UTRN: variants seen among roughly 807,000 people sequenced by gnomAD.
UTRN encodes the protein dystrophin-related protein 1.
Under a neutral mutation model 463.9 loss-of-function variants are expected in UTRN, and 283 were observed. The observed-to-expected ratio is 0.61, with a 90% confidence interval of 0.55 to 0.67. The LOEUF is 0.67. Among genes scored for constraint, UTRN ranks in the 30% least tolerant of loss-of-function variants. UTRN has a pLI of 0.00. For synonymous variants in UTRN, 1,442 were observed against 1,431.5 expected (o/e 1.01, Z -0.17); for missense variants, 3,922 against 4,084.3 (o/e 0.96, Z 1.08).
chr6:144,414,130 A>T (rs563067537), intron 3 of UTRN, among the ~76,000 whole-genome samples: 109 of 124,960 alleles, frequency 8.7e-4, no homozygotes, highest in Non-Finnish European at 1.5e-3. Flanking sequence ...CCTACTCATT[A>T]AAAAAAAAAA....
intron 54 of UTRN, among the ~76,000 whole-genome samples, chr6:144,743,384 T>C (rs28744625): frequency 2.2e-3 from 338 of 152,368 alleles, no homozygotes; most frequent in African/African-American, 7.8e-3. Context: ...CATAGTTTCA[T>C]TTTTAAAATT....
intron 48 of UTRN, 86 bp downstream of exon 48, chr6:144,551,168 CAA>C (rs200221406): frequency 2.5e-4 from 175 of 713,870 alleles, no homozygotes; most frequent in Middle Eastern, 4.1e-4. Flanking sequence ...CACACACACA[CAA>C]ACACATTTTC....
chr6:144,384,047 C>T, intron 2 of UTRN, among the ~76,000 whole-genome samples: 1 of 151,962 alleles, frequency 6.6e-6, no homozygotes, highest in East Asian at 1.9e-4. Flanking sequence ...GGTTTTTTTC[C>T]TCTATGTTTT....
In UTRN at chr6:144,842,825, C is replaced by G. The variant is rs189081519; in HGVS notation, c.10270+1993C>G. ...ACCCACCTCCCCACCTCCCCACCCCCCAAAGCACATGCATGCATGTGCACA... is the reference window on the plus strand; with the variant it reads ...ACCCACCTCCCCACCTCCCCACCCCGCAAAGCACATGCATGCATGTGCACA... On this transcript the variant is annotated intron_variant, in intron 73 of 74. Transcript: ENST00000367545. 1.0e-3 allele frequency among the ~76,000 whole-genome samples: 159 copies of G among 152,094 alleles called. No individual in the cohort carries two copies. The East Asian group carries it at 0.025, about 24-fold the overall frequency.
At chr6:144,684,612 C>A (rs1481368011) in intron 52 of UTRN, among the ~76,000 whole-genome samples, 1 of 152,176 alleles carries the variant, frequency 6.6e-6, no homozygotes, top group African/African-American at 2.4e-5. Flanking sequence ...TTATTACATT[C>A]GACCTGGCCA....
At chr6:144,744,416 TG>T (rs1165136078) in intron 54 of UTRN, among the ~76,000 whole-genome samples, 59 of 147,172 alleles carry the variant, frequency 4.0e-4, no homozygotes, top group East Asian at 1.4e-3. Flanking sequence ...ATTTTACTTA[TG>T]TATAATATAT....
intron 74 of UTRN, among the ~76,000 whole-genome samples, chr6:144,849,405 A>G (rs537733296): frequency 2.6e-5 from 4 of 152,304 alleles, no homozygotes; most frequent in African/African-American, 9.6e-5. Context: ...CAGATATAAT[A>G]CAAGTGCTCA....
At chr6:144,608,642 A>G (rs1461551871) in intron 51 of UTRN, among the ~76,000 whole-genome samples, 1 of 152,170 alleles carries the variant, frequency 6.6e-6, no homozygotes, top group Non-Finnish European at 1.5e-5. Context: ...GGAAAAGTGA[A>G]TTGGAGGAGG....
chr6:144,741,718 G>T (rs1344524766), intron 54 of UTRN, among the ~76,000 whole-genome samples: 1 of 152,160 alleles, frequency 6.6e-6, no homozygotes, highest in African/African-American at 2.4e-5. Context: ...AAAGATCTCA[G>T]GTTGCTTAGC....
At chr6:144,489,866 C>T (rs1026793876) in intron 30 of UTRN, among the ~76,000 whole-genome samples, 11 of 151,558 alleles carry the variant, frequency 7.3e-5, no homozygotes, top group Middle Eastern at 3.4e-3. Context: ...GTGATCCACC[C>T]GCCTCGGCCT....
intron 2 of UTRN, among the ~76,000 whole-genome samples, chr6:144,342,235 G>A (rs1242933432): frequency 6.6e-6 from 1 of 152,144 alleles, no homozygotes; most frequent in Admixed American, 6.5e-5. Flanking sequence ...TACACTGCTA[G>A]TGGGAATGTA....
intron 27 of UTRN, 152 bp from the exon 28 acceptor site, chr6:144,485,233 T>G: frequency 8.2e-6 from 10 of 1,217,628 alleles, no homozygotes; most frequent in Middle Eastern, 2.6e-4. Context: ...CGATTTTATT[T>G]TATTTTTTTG....
chr6:144,553,730 G>A (rs1799132227), intron 48 of UTRN, among the ~76,000 whole-genome samples: 1 of 152,058 alleles, frequency 6.6e-6, no homozygotes, highest in Non-Finnish European at 1.5e-5. Context: ...GGCCAACATG[G>A]GGAAACCCTC....
At chr6:144,514,230 A>G (rs1463740979) in intron 36 of UTRN, among the ~76,000 whole-genome samples, 193 bp downstream of exon 36, 1 of 152,190 alleles carries the variant, frequency 6.6e-6, no homozygotes, top group Non-Finnish European at 1.5e-5. Flanking sequence ...AAAGACTTGT[A>G]AGAGATTTCA....
chr6:144,732,269 TATATATATACACAC>T (rs1788730716), intron 54 of UTRN, among the ~76,000 whole-genome samples: 6 of 89,510 alleles, frequency 6.7e-5, no homozygotes, highest in East Asian at 1.9e-3. Context: ...CACACATATA[TATATATATACACAC>T]ATATATATAT....
At chr6:144,329,669 T>C (rs1285444802) in intron 2 of UTRN, among the ~76,000 whole-genome samples, 2 of 152,230 alleles carry the variant, frequency 1.3e-5, no homozygotes, top group Admixed American at 6.5e-5. Context: ...GCCATCACAA[T>C]GGAAGGAAAT....
chr6:144,850,003 G>A (rs2128767224), intron 74 of UTRN, among the ~76,000 whole-genome samples: 1 of 152,322 alleles, frequency 6.6e-6, no homozygotes. Context: ...GCCTGGCTGA[G>A]ATATCTTCCA....
At chr6:144,463,823 T>C (rs1789658077) in intron 23 of UTRN, among the ~76,000 whole-genome samples, 1 of 151,380 alleles carries the variant, frequency 6.6e-6, no homozygotes, top group South Asian at 2.1e-4. Flanking sequence ...TCTATATATA[T>C]AGATAGATAG....
In UTRN at chr6:144,426,316, G is replaced by A. The variant is rs377032020; in HGVS notation, c.435G>A (p.Ser145=). 59 of 1,613,570 alleles carry A rather than the reference G, an allele frequency of 3.7e-5. No individual in the cohort carries two copies. Among genetic ancestry groups the A allele is most frequent in the South Asian group, 1.5e-4 (14 of 91,044 alleles). Residue 145 remains serine (S), a synonymous_variant, in exon 7 of 75, where the codon TCG becomes TCA. Transcript: ENST00000367545. ...AAGATGTCATGAAGGATGTCATGTC[G>A]GACCTGCAGCAGACGAACAGTGAGA... ...QVKDVMKDVM[S]DLQQTNSEKI... is the part of the protein sequence containing the mutation.
Sources: gnomAD v4.1 joint callset for allele counts (sites outside exome capture counted in the v4.1 genomes callset) on GRCh38, gnomAD v4.1.1 for gene constraint, MANE v1.5 for transcripts, NCBI Gene and HGNC (gene_info 2026-07-23, HGNC 2026-07-21) for gene names.